The following TNR variants were observed in gnomAD, a reference collection of about 807,000 sequenced individuals.
TNR encodes the protein tenascin-R.
A neutral mutation model predicts 150.4 loss-of-function variants in TNR; 45 were observed. That is an observed-to-expected ratio of 0.30 (90% confidence interval 0.24 to 0.38). TNR has a LOEUF of 0.38. TNR is among the 10% of genes least tolerant of loss of function. The pLI is 1.00. For missense variants in TNR, 1,544 were observed against 1,759.1 expected, an observed-to-expected ratio of 0.88 and a Z score of 2.19; for synonymous variants, 687 against 678.4, an observed-to-expected ratio of 1.01 and a Z score of -0.20.
At chr1:175,628,910 C>A (rs16848871) in intron 1 of TNR, among the ~76,000 whole-genome samples, 40,096 of 152,044 alleles carry the variant, frequency 0.26, 6,030 homozygotes, top group East Asian at 0.5. Context: ...ACACTTATCT[C>A]TGGGACTCTG....
rs971036298 is a variant in TNR, at chr1:175,319,781, C to T, written c.*3576G>A. Reference sequence around the variant, plus strand: ...TTGGAGACGTGGCCTTTCTCAACCCCGCTGACGTTTCACACGGGGTTTCAG... The same window carrying T: ...TTGGAGACGTGGCCTTTCTCAACCCTGCTGACGTTTCACACGGGGTTTCAG... On this transcript the variant is annotated 3_prime_UTR_variant, in exon 23 of 23. Transcript: ENST00000367674. 28 of 152,216 alleles carry T rather than the reference C, an allele frequency of 1.8e-4. No individual in the cohort carries two copies. The highest frequency in any genetic ancestry group is 6.8e-4 in the African/African-American group (28 of 41,450). 9.4% of individuals were successfully genotyped at this position (152,216 alleles called of 1,614,324 possible). A position where few individuals can be genotyped will look rare whatever the true frequency, so the allele number is the denominator to read the frequency against.
chr1:175,449,323 T>A (rs1031000454), intron 2 of TNR, among the ~76,000 whole-genome samples: 1 of 151,370 alleles, frequency 6.6e-6, no homozygotes, highest in East Asian at 1.9e-4. Flanking sequence ...TGCATGCACA[T>A]ACAAACAAAC....
At chr1:175,632,747 T>C (rs1029681282) in intron 1 of TNR, among the ~76,000 whole-genome samples, 3 of 152,148 alleles carry the variant, frequency 2.0e-5, no homozygotes, top group South Asian at 2.1e-4. Flanking sequence ...ATTTTCCAGA[T>C]GAAAAAAACG....
At chr1:175,508,422 C>G (rs1659040911) in intron 2 of TNR, among the ~76,000 whole-genome samples, 1 of 152,138 alleles carries the variant, frequency 6.6e-6, no homozygotes, top group East Asian at 1.9e-4. Flanking sequence ...ATTCCCTTCC[C>G]TGGAGTGGGG....
intron 2 of TNR, among the ~76,000 whole-genome samples, chr1:175,512,079 A>C (rs938001657): frequency 6.6e-6 from 1 of 152,212 alleles, no homozygotes; most frequent in South Asian, 2.1e-4. Context: ...TCATTAAAAA[A>C]ATTCCAACAT....
chr1:175,655,235 A>C (rs1253923429), intron 1 of TNR, among the ~76,000 whole-genome samples: 1 of 152,238 alleles, frequency 6.6e-6, no homozygotes, highest in Non-Finnish European at 1.5e-5. Flanking sequence ...AGGTAAATAA[A>C]AAATACAATT....
At chr1:175,529,846 C>T (rs1363180564) in intron 1 of TNR, among the ~76,000 whole-genome samples, 1 of 152,132 alleles carries the variant, frequency 6.6e-6, no homozygotes, top group African/African-American at 2.4e-5. Context: ...ATCTTTTGAA[C>T]CAACTGCATC....
chr1:175,524,343 G>T (rs1659768472), intron 2 of TNR, among the ~76,000 whole-genome samples: 1 of 152,124 alleles, frequency 6.6e-6, no homozygotes, highest in African/African-American at 2.4e-5. Context: ...ATGGTGAGAA[G>T]TGAATGGAGA....
At chr1:175,398,861 A>T (rs929777763) in intron 4 of TNR, among the ~76,000 whole-genome samples, 4 of 152,234 alleles carry the variant, frequency 2.6e-5, no homozygotes, top group African/African-American at 9.6e-5. Context: ...AAAAATATTT[A>T]GTAGCAGTCA....
At chr1:175,378,840 G>A (rs1334378551) in intron 9 of TNR, among the ~76,000 whole-genome samples, 4 of 152,190 alleles carry the variant, frequency 2.6e-5, no homozygotes, top group African/African-American at 9.7e-5. Flanking sequence ...GAATTCCCTG[G>A]AATATCTGCA....
At chr1:175,497,454 A>G (rs1255339498) in intron 2 of TNR, among the ~76,000 whole-genome samples, 7 of 152,184 alleles carry the variant, frequency 4.6e-5, no homozygotes, top group East Asian at 1.9e-4. Context: ...GGGAACAACA[A>G]TTGCTTCCAA....
Position 175,705,509 on chromosome 1 carries a change from TG to T in TNR, c.-165+37716del, listed in dbSNP as rs1666824983. 3.3e-5 allele frequency among the ~76,000 whole-genome samples: 5 copies of T among 152,206 alleles called. No individual in the cohort carries two copies. The South Asian group carries it at 1.0e-3, about 32-fold the overall frequency. ...TTATGAGCCTTTGGAAAGAAAAAGTTGGTGCATTCAAAGCAGCATAAGACAA... is the reference window on the plus strand; with the variant it reads ...TTATGAGCCTTTGGAAAGAAAAAGTTGTGCATTCAAAGCAGCATAAGACAA... On this transcript the variant is annotated intron_variant, in intron 1 of 22. Transcript: ENST00000367674.
At chr1:175,739,179 C>T (rs555313868) in intron 1 of TNR, among the ~76,000 whole-genome samples, 2 of 152,044 alleles carry the variant, frequency 1.3e-5, no homozygotes, top group Admixed American at 6.6e-5. Context: ...AGAGGCAAAA[C>T]CCTGGAAGAA....
rs747135547 is a variant in TNR at position 175,406,685 on chromosome 1, C to A, written c.30G>T (p.Leu10=). The change falls in exon 3 of 23, where the codon CTG becomes CTT. Residue 10 remains leucine, a synonymous_variant. Transcript: ENST00000367674. ...GGTTGATGCCAATGAGCATGTTCTTCAGAACCACTGTTTCCCCATCTGCCC... is the reference window on the plus strand; with the variant it reads ...GGTTGATGCCAATGAGCATGTTCTTAAGAACCACTGTTTCCCCATCTGCCC... MGADGETVV[L]KNMLIGINLI... 6.2e-7 allele frequency: 1 copy of A among 1,614,058 alleles called. No individual in the cohort carries two copies. Among genetic ancestry groups the A allele is most frequent in the Admixed American group, 1.7e-5 (1 of 60,010 alleles).
intron 9 of TNR, among the ~76,000 whole-genome samples, chr1:175,377,766 C>T (rs557179512): frequency 7.8e-4 from 119 of 152,314 alleles, no homozygotes; most frequent in Middle Eastern, 6.8e-3. Context: ...TATCCCTTGT[C>T]TATCAAGACA....
At chr1:175,415,314 G>A (rs1453838830) in intron 2 of TNR, among the ~76,000 whole-genome samples, 2 of 152,156 alleles carry the variant, frequency 1.3e-5, no homozygotes, top group Non-Finnish European at 2.9e-5. Context: ...GGAGAACTCG[G>A]AGCCAGCTCC....
intron 9 of TNR, among the ~76,000 whole-genome samples, chr1:175,373,321 T>C (rs1652192406): frequency 6.6e-6 from 1 of 152,166 alleles, no homozygotes; most frequent in South Asian, 2.1e-4. Flanking sequence ...ACCAGAGGTT[T>C]CATGGGGGAG....
chr1:175,508,135 G>A (rs1032507202), intron 2 of TNR, among the ~76,000 whole-genome samples: 3 of 152,040 alleles, frequency 2.0e-5, no homozygotes, highest in African/African-American at 7.2e-5. Context: ...GGAAGGGAGG[G>A]CATTAGGACA....
At chr1:175,643,365 C>T (rs968505576) in intron 1 of TNR, among the ~76,000 whole-genome samples, 29 of 152,272 alleles carry the variant, frequency 1.9e-4, no homozygotes, top group African/African-American at 6.7e-4. Flanking sequence ...GCTTTTAAAC[C>T]ATCACTGGGC....
Sources: allele counts gnomAD v4.1 joint callset (sites outside exome capture counted in the v4.1 genomes callset), GRCh38; gene constraint gnomAD v4.1.1; transcripts MANE v1.5; gene names NCBI Gene and HGNC (gene_info 2026-07-23, HGNC 2026-07-21).